HK2: variants seen among roughly 807,000 people sequenced by gnomAD.
HK2 encodes the protein hexokinase 2.
In HK2, 42 loss-of-function variants were observed where a neutral mutation model predicts 92.9. That is an observed-to-expected ratio of 0.45 (90% CI 0.35 to 0.58). The LOEUF is 0.58. Ranked by LOEUF, HK2 falls within the 20% of genes least tolerant of loss-of-function variation. The pLI is 0.00. For synonymous variants in HK2, 422 were observed against 468.0 expected (o/e 0.90, Z 1.27); for missense variants, 978 against 1,245.1 (o/e 0.79, Z 3.23).
intron 1 of HK2, among the ~76,000 whole-genome samples, chr2:74,848,483 A>T (rs1028147201): frequency 2.8e-5 from 4 of 142,060 alleles, no homozygotes; most frequent in African/African-American, 1.1e-4. Context: ...ATTTCTTGTA[A>T]AATTATGTTT....
Position 74,888,062 on chromosome 2 carries a change from A to G in HK2, c.2375+4A>G. ...AGTTCTTGTCTCAGATTGAGAGGTGAGAGCTTAGGGCTCAGGGTAGCAGGG... is the reference window on the plus strand; with the variant it reads ...AGTTCTTGTCTCAGATTGAGAGGTGGGAGCTTAGGGCTCAGGGTAGCAGGG... On this transcript the variant is annotated splice_donor_region_variant and intron_variant, in intron 16 of 17. Coordinates refer to ENST00000290573, the MANE Select transcript of HK2 (RefSeq NM_000189.5). The G allele has an allele frequency of 6.2e-7, 1 of 1,614,176 alleles. No individual in the cohort carries two copies. Among genetic ancestry groups the G allele is most frequent in the Non-Finnish European group, 8.5e-7 (1 of 1,179,998 alleles).
intron 3 of HK2, among the ~76,000 whole-genome samples, chr2:74,871,328 T>TATCC (rs2103952116): frequency 6.6e-6 from 1 of 152,348 alleles, no homozygotes; most frequent in East Asian, 1.9e-4. Context: ...GTTGACCTCT[T>TATCC]ATCCACCTTG....
At chr2:74,878,331 G>A (rs1689283649) in intron 8 of HK2, among the ~76,000 whole-genome samples, 1 of 152,120 alleles carries the variant, frequency 6.6e-6, no homozygotes, top group Non-Finnish European at 1.5e-5. Context: ...ACACAACTTG[G>A]TGGTAAAGCA....
chr2:74,857,557 A>G (rs1008704206), intron 2 of HK2, among the ~76,000 whole-genome samples: 11 of 152,144 alleles, frequency 7.2e-5, no homozygotes, highest in Non-Finnish European at 1.5e-5. Flanking sequence ...AGAGAGAATC[A>G]ATCACCTGAA....
At chr2:74,860,520 G>GT (rs1169639176) in intron 2 of HK2, among the ~76,000 whole-genome samples, 3 of 152,060 alleles carry the variant, frequency 2.0e-5, no homozygotes, top group Admixed American at 2.0e-4. Context: ...CACAGTATTT[G>GT]TTTTTTATGC....
chr2:74,842,617 G>A (rs563408590), intron 1 of HK2, among the ~76,000 whole-genome samples: 15 of 152,206 alleles, frequency 9.9e-5, no homozygotes, highest in Non-Finnish European at 1.8e-4. Flanking sequence ...TCTGTGTGAC[G>A]TTGGATTGAA....
At chr2:74,888,090 G>A (rs748237006) in intron 16 of HK2, 32 bp downstream of exon 16, 5 of 1,611,168 alleles carry the variant, frequency 3.1e-6, no homozygotes, top group East Asian at 2.2e-5. Flanking sequence ...TAGCAGGGGG[G>A]CCATGTCCTT....
intron 2 of HK2, among the ~76,000 whole-genome samples, chr2:74,863,215 G>A (rs1688871348): frequency 6.6e-6 from 1 of 152,172 alleles, no homozygotes; most frequent in African/African-American, 2.4e-5. Flanking sequence ...TGCCAGTCAT[G>A]TGTTTTACGT....
intron 9 of HK2, among the ~76,000 whole-genome samples, chr2:74,879,864 G>A (rs1203986734): frequency 6.6e-6 from 1 of 152,214 alleles, no homozygotes; most frequent in African/African-American, 2.4e-5. Context: ...TGAAATGAGT[G>A]ATAGAACAAG....
At chr2:74,868,961 C>T (rs535659107) in intron 3 of HK2, among the ~76,000 whole-genome samples, 4 of 152,184 alleles carry the variant, frequency 2.6e-5, no homozygotes, top group South Asian at 4.2e-4. Flanking sequence ...CAATGAAGTG[C>T]GTCTCTGCCA....
intron 3 of HK2, among the ~76,000 whole-genome samples, chr2:74,871,161 T>G (rs1689088879): frequency 6.6e-6 from 1 of 152,204 alleles, no homozygotes; most frequent in East Asian, 1.9e-4. Context: ...CCAGAGTTTC[T>G]GCTATAGTCG....
At chr2:74,845,462 C>T (rs570219869) in intron 1 of HK2, among the ~76,000 whole-genome samples, 33 of 152,344 alleles carry the variant, frequency 2.2e-4, no homozygotes, top group African/African-American at 7.2e-4. Flanking sequence ...CCCAAATGCC[C>T]ATCTCCTGGA....
intron 2 of HK2, among the ~76,000 whole-genome samples, chr2:74,867,262 G>T (rs1688975262): frequency 6.6e-6 from 1 of 151,352 alleles, no homozygotes; most frequent in Non-Finnish European, 1.5e-5. Context: ...TCTAAGTGAA[G>T]TAACTCTGGA....
chr2:74,839,951 C>CTTT (rs773321768), intron 1 of HK2, among the ~76,000 whole-genome samples: 16 of 97,050 alleles, frequency 1.6e-4, no homozygotes, highest in South Asian at 3.2e-4. Context: ...TGCGCCTGGC[C>CTTT]TTTTTTTTTT....
intron 9 of HK2, 132 bp downstream of exon 9, chr2:74,879,053 A>G (rs1689315928): frequency 2.5e-6 from 2 of 810,846 alleles, no homozygotes; most frequent in Admixed American, 2.0e-5. Flanking sequence ...TCTTGGTGGA[A>G]TGAAAGTTCC....
At chr2:74,877,619 C>T (rs925507663) in intron 8 of HK2, among the ~76,000 whole-genome samples, 1 of 152,148 alleles carries the variant, frequency 6.6e-6, no homozygotes, top group African/African-American at 2.4e-5. Context: ...AGAGGGCCCC[C>T]GAAAGACTTA....
At chr2:74,878,547 G>A (rs1159237573) in intron 8 of HK2, 141 bp from the exon 9 acceptor site, 4 of 738,902 alleles carry the variant, frequency 5.4e-6, no homozygotes, top group Non-Finnish European at 7.3e-6. Flanking sequence ...CTGCACAGGT[G>A]GACTAAGCAA....
At chr2:74,865,869 C>G (rs11688312) in intron 2 of HK2, among the ~76,000 whole-genome samples, 28,361 of 152,018 alleles carry the variant, frequency 0.19, 3,081 homozygotes, top group Admixed American at 0.32. Flanking sequence ...CTAGTACTTA[C>G]TGAGTGTGTC....
chr2:74,874,857 GGCT>G (rs1689188246), intron 7 of HK2, among the ~76,000 whole-genome samples: 1 of 152,152 alleles, frequency 6.6e-6, no homozygotes, highest in Non-Finnish European at 1.5e-5. Context: ...CCAGAGGACA[GGCT>G]GACAGCTGGC....
Sources: gnomAD v4.1 joint callset for allele counts (sites outside exome capture counted in the v4.1 genomes callset) on GRCh38, gnomAD v4.1.1 for gene constraint, MANE v1.5 for transcripts, NCBI Gene and HGNC (gene_info 2026-07-23, HGNC 2026-07-21) for gene names.